Variants in ERBB4 observed in about 807,000 individuals in gnomAD.
ERBB4 encodes the protein receptor tyrosine-protein kinase erbB-4.
ERBB4 carries 42 observed loss-of-function variants against 158.0 expected under a neutral mutation model. That is an observed-to-expected ratio of 0.27 (90% CI 0.21 to 0.34). The LOEUF (loss-of-function observed/expected upper bound fraction) is 0.34. Among genes scored for constraint, ERBB4 ranks in the 10% least tolerant of loss-of-function variants. The pLI is 1.00. For synonymous variants in ERBB4, 583 were observed against 558.7 expected (o/e 1.04, Z -0.61); for missense variants, 1,333 against 1,624.1 (o/e 0.82, Z 3.08).
At chr2:212,017,981 G>A (rs780078740) in intron 2 of ERBB4, among the ~76,000 whole-genome samples, 43 of 152,190 alleles carry the variant, frequency 2.8e-4, no homozygotes, top group South Asian at 1.4e-3. Flanking sequence ...CATCAAAGAG[G>A]ACAACCATAT....
chr2:212,345,364 T>G (rs1489858512), intron 1 of ERBB4, among the ~76,000 whole-genome samples: 3 of 152,024 alleles, frequency 2.0e-5, no homozygotes, highest in African/African-American at 7.3e-5. Context: ...TTTTATACTT[T>G]ATTCTATGGT....
chr2:212,138,251 G>A (rs980510576), intron 1 of ERBB4, among the ~76,000 whole-genome samples: 2 of 152,018 alleles, frequency 1.3e-5, no homozygotes, highest in Non-Finnish European at 2.9e-5. Context: ...AATATACATC[G>A]TTTTGTATAA....
chr2:212,430,434 T>TG (rs1184029751), intron 1 of ERBB4, among the ~76,000 whole-genome samples: 1 of 146,102 alleles, frequency 6.8e-6, no homozygotes, highest in Admixed American at 6.7e-5. Flanking sequence ...CTTCGCATGT[T>TG]GGTTTTTTTT....
At chr2:212,316,925 T>C (rs1381451776) in intron 1 of ERBB4, among the ~76,000 whole-genome samples, 3 of 151,570 alleles carry the variant, frequency 2.0e-5, no homozygotes, top group Non-Finnish European at 3.0e-5. Context: ...ATCTATTTTA[T>C]GTACTCAGCT....
At chr2:212,256,886 C>T (rs2084758914) in intron 1 of ERBB4, among the ~76,000 whole-genome samples, 1 of 152,064 alleles carries the variant, frequency 6.6e-6, no homozygotes, top group South Asian at 2.1e-4. Context: ...GGAAGGGGAC[C>T]TGTTAGAACC....
At chr2:212,525,754 T>A (rs1692414201) in intron 1 of ERBB4, among the ~76,000 whole-genome samples, 1 of 152,046 alleles carries the variant, frequency 6.6e-6, no homozygotes, top group Non-Finnish European at 1.5e-5. Flanking sequence ...GTTTTGTTTG[T>A]TTTGTTTTAA....
chr2:212,226,158 C>A (rs10048750), intron 1 of ERBB4, among the ~76,000 whole-genome samples: 7 of 151,788 alleles, frequency 4.6e-5, no homozygotes, highest in Non-Finnish European at 7.4e-5. Flanking sequence ...GGCTAGGACC[C>A]CAGAATGGCC....
intron 3 of ERBB4, among the ~76,000 whole-genome samples, chr2:211,897,630 A>C (rs2079131699): frequency 6.6e-6 from 1 of 152,082 alleles, no homozygotes; most frequent in Non-Finnish European, 1.5e-5. Context: ...AATGTGCAGA[A>C]TCTTCCTTTG....
At chr2:212,387,649 C>T (rs1292380144) in intron 1 of ERBB4, among the ~76,000 whole-genome samples, 1 of 151,962 alleles carries the variant, frequency 6.6e-6, no homozygotes, top group Non-Finnish European at 1.5e-5. Flanking sequence ...AACTCCTGAC[C>T]TCAGGTGATC....
chr2:211,852,192 T>A (rs2077736458), intron 3 of ERBB4, among the ~76,000 whole-genome samples: 1 of 152,040 alleles, frequency 6.6e-6, no homozygotes, highest in East Asian at 1.9e-4. Flanking sequence ...CCAAAAACAC[T>A]ATTTTCCATA....
At chr2:211,836,319 TA>T (rs1237337582) in intron 3 of ERBB4, among the ~76,000 whole-genome samples, 1 of 151,952 alleles carries the variant, frequency 6.6e-6, no homozygotes, top group African/African-American at 2.4e-5. Flanking sequence ...GATCATAAGG[TA>T]AAAAGTCACA....
In ERBB4 at chr2:211,402,205, T is replaced by C. The variant is rs191148375; in HGVS notation, c.3136-14213A>G. 4.4e-3 allele frequency among the ~76,000 whole-genome samples: 671 copies of C among 152,110 alleles called. 11 individuals carry two copies. Among genetic ancestry groups the C allele is most frequent in the African/African-American group, 0.016 (652 of 41,522 alleles). On this transcript the variant is annotated intron_variant, in intron 25 of 27. Transcript: ENST00000342788. ...CCTATCTAATTCATCAGTGTTGTCT[T>C]TTAGGGTAACAAGCTCCTTAAGTAG... is the stretch of plus-strand genomic sequence containing the variant.
chr2:212,404,477 A>G (rs2091291017), intron 1 of ERBB4, among the ~76,000 whole-genome samples: 1 of 152,178 alleles, frequency 6.6e-6, no homozygotes, highest in Admixed American at 6.6e-5. Context: ...CCTAGTGCCA[A>G]GAAAAAAACC....
At chr2:212,299,741 C>A (rs10170838) in intron 1 of ERBB4, among the ~76,000 whole-genome samples, 2 of 151,592 alleles carry the variant, frequency 1.3e-5, no homozygotes, top group Non-Finnish European at 3.0e-5. Flanking sequence ...TAATGAGCAG[C>A]GATAGCCAAC....
intron 3 of ERBB4, among the ~76,000 whole-genome samples, chr2:211,933,513 G>A (rs2080232790): frequency 6.6e-6 from 1 of 151,976 alleles, no homozygotes; most frequent in South Asian, 2.1e-4. Flanking sequence ...GGTTACACAT[G>A]AATTATGGCA....
At chr2:211,966,679 A>G (rs1292181285) in intron 2 of ERBB4, among the ~76,000 whole-genome samples, 1 of 152,186 alleles carries the variant, frequency 6.6e-6, no homozygotes, top group Admixed American at 6.5e-5. Flanking sequence ...TTTTAAGTCT[A>G]TATATTTTAA....
intron 8 of ERBB4, among the ~76,000 whole-genome samples, chr2:211,712,386 G>A (rs1001367715): frequency 4.6e-5 from 7 of 152,010 alleles, no homozygotes; most frequent in South Asian, 2.1e-4. Flanking sequence ...CATTAAAATC[G>A]AATGACGATG....
At chr2:212,177,360 T>G (rs921772963) in intron 1 of ERBB4, among the ~76,000 whole-genome samples, 3 of 151,936 alleles carry the variant, frequency 2.0e-5, no homozygotes, top group Admixed American at 2.0e-4. Context: ...TCAAATCAAA[T>G]AATTAAATTG....
In ERBB4 at chr2:211,725,142, G is replaced by GT; in HGVS notation, c.674dup (p.Tyr225Ter). 1 of 1,614,054 alleles carries GT rather than the reference G, an allele frequency of 6.2e-7. No individual in the cohort carries two copies. The change falls in exon 6 of 28, where the codon TAC becomes TAAC. Residue 225 changes from tyrosine to a stop codon, truncating the protein, a stop_gained and frameshift_variant. Transcript: ENST00000342788. LOFTEE classifies it high-confidence loss of function. ...EQCDGRCYGPYVSDCCHRECA... is the reference protein window; with the variant it reads ...EQCDGRCYGP ...ATTCTCGATGGCAGCAGTCACTGAC[G>GT]TAAGGTCCGTAGCATCTGCCGTCAC...
Sources: gnomAD v4.1 joint callset for allele counts (sites outside exome capture counted in the v4.1 genomes callset) on GRCh38, gnomAD v4.1.1 for gene constraint, MANE v1.5 for transcripts, NCBI Gene and HGNC (gene_info 2026-07-23, HGNC 2026-07-21) for gene names.